Variants in NFATC1 observed in about 807,000 individuals in gnomAD.
NFATC1 encodes nuclear factor of activated T cells 1, also known as nuclear factor of activated T-cells, cytoplasmic 1.
In NFATC1, 22 loss-of-function variants were observed where a neutral mutation model predicts 76.0. The observed-to-expected ratio is 0.29, with a 90% confidence interval of 0.21 to 0.41. The LOEUF is 0.41. NFATC1 is among the 10% of genes least tolerant of loss of function. The pLI is 1.00. For missense variants in NFATC1, 1,357 were observed against 1,337.7 expected (o/e 1.01, Z -0.23); for synonymous variants, 704 against 613.1 (o/e 1.15, Z -2.19).
rs776345067 is a variant in NFATC1 at position 79,411,381 on chromosome 18, A to G, written c.1106A>G (p.Glu369Gly). The G allele has an allele frequency of 6.3e-7, 1 of 1,583,704 alleles. No homozygotes were observed. Among genetic ancestry groups the G allele is most frequent in the Admixed American group, 1.8e-5 (1 of 56,058 alleles). Residue 369 changes from glutamate to glycine, a missense_variant, in exon 2 of 10, where the codon GAA (glutamate) becomes GGA (glycine). By Grantham distance (98) the Glu-to-Gly change is moderately conservative. Around this residue, in one of 3 missense-constraint regions of NFATC1, gnomAD observed 691 missense variants for 613.1 expected, o/e 1.13. Transcript: ENST00000427363. Reference protein sequence around the residue: ...SPPPPADFAPEDYSSFQHIRK... With the variant: ...SPPPPADFAPGDYSSFQHIRK... ...CCGCCCCCGGCCGACTTCGCGCCCG[A>G]AGACTACTCCTCTTTCCAGCACATC... is the stretch of plus-strand genomic sequence containing the variant.
chr18:79,500,471 TC>T (rs2089989018), intron 9 of NFATC1, among the ~76,000 whole-genome samples: 1 of 152,074 alleles, frequency 6.6e-6, no homozygotes, highest in Admixed American at 6.6e-5. Flanking sequence ...CTAAGCTTTT[TC>T]CTTAAAAATG....
chr18:79,522,673 A>G (rs1436827875), intron 9 of NFATC1, among the ~76,000 whole-genome samples: 1 of 152,010 alleles, frequency 6.6e-6, no homozygotes, highest in Non-Finnish European at 1.5e-5. Flanking sequence ...GGCACTGAGC[A>G]CCCTGCAGGT....
At chr18:79,449,129 C>T (rs2087349270) in intron 4 of NFATC1, 145 bp downstream of exon 4, 1 of 719,502 alleles carries the variant, frequency 1.4e-6, no homozygotes, top group Non-Finnish European at 2.3e-6. Flanking sequence ...AATAAGTAAA[C>T]TTCACTCTTG....
chr18:79,439,599 A>G (rs1289982948), intron 3 of NFATC1, among the ~76,000 whole-genome samples: 1 of 152,208 alleles, frequency 6.6e-6, no homozygotes, highest in Non-Finnish European at 1.5e-5. Flanking sequence ...CGCACAGGGA[A>G]TTTCCTAGTT....
intron 6 of NFATC1, among the ~76,000 whole-genome samples, chr18:79,452,796 C>T (rs28541305): frequency 0.027 from 4,115 of 152,266 alleles, 167 homozygotes; most frequent in African/African-American, 0.095. Flanking sequence ...GCCCAGGGTG[C>T]GCCAGGTGAG....
At chr18:79,449,723 C>T (rs1414922713) in intron 4 of NFATC1, among the ~76,000 whole-genome samples, 6 of 152,126 alleles carry the variant, frequency 3.9e-5, no homozygotes, top group African/African-American at 1.2e-4. Context: ...GCTGGGAGCC[C>T]GTGTGATGGG....
At chr18:79,515,694 G>A (rs1452343318) in intron 9 of NFATC1, 1 of 152,136 alleles carries the variant, frequency 6.6e-6, no homozygotes, top group Non-Finnish European at 1.5e-5. Context: ...ACAGGCAGAG[G>A]AAGAATCGTG....
intron 7 of NFATC1, among the ~76,000 whole-genome samples, chr18:79,461,801 G>A (rs917657201): frequency 1.3e-5 from 2 of 152,174 alleles, no homozygotes; most frequent in East Asian, 1.9e-4. Flanking sequence ...GCCCAGACCC[G>A]CTCACAGCAC....
chr18:79,487,397 G>A lies in NFATC1; in HGVS notation c.2782+460G>A, dbSNP rs201175010. ...GCCGAGGTGACGAGCACGTTACCCCGTGCGGCTCTGTAAACACATCTAAAT... is the reference window on the plus strand; with the variant it reads ...GCCGAGGTGACGAGCACGTTACCCCATGCGGCTCTGTAAACACATCTAAAT... On this transcript the variant is annotated intron_variant, in intron 9 of 9. Coordinates refer to ENST00000427363, the MANE Select transcript of NFATC1 (RefSeq NM_001278669.2). Among the ~76,000 whole-genome samples the A allele has an allele frequency of 5.9e-5, 9 of 152,320 alleles. No homozygotes were observed. The East Asian group carries it at 1.4e-3, about 23-fold the overall frequency.
chr18:79,519,346 T>C (rs940755740), intron 9 of NFATC1, among the ~76,000 whole-genome samples: 2 of 152,206 alleles, frequency 1.3e-5, no homozygotes, highest in African/African-American at 4.8e-5. Context: ...TTTATTTTTT[T>C]TCCTGAGACA....
chr18:79,516,518 G>A (rs980944755), intron 9 of NFATC1, among the ~76,000 whole-genome samples: 3 of 152,174 alleles, frequency 2.0e-5, no homozygotes, highest in African/African-American at 7.2e-5. Context: ...TGGCAGAACC[G>A]CCCTTGTTCT....
intron 7 of NFATC1, 61 bp downstream of exon 7, chr18:79,461,427 C>G: frequency 6.3e-7 from 1 of 1,583,960 alleles, no homozygotes; most frequent in Non-Finnish European, 8.7e-7. Flanking sequence ...AGGCTGGGGT[C>G]TGCTGGAGCC....
chr18:79,442,639 T>G (rs2087026974), intron 3 of NFATC1, among the ~76,000 whole-genome samples: 1 of 152,174 alleles, frequency 6.6e-6, no homozygotes, highest in Non-Finnish European at 1.5e-5. Flanking sequence ...AGACGTGCGG[T>G]GGCGGCGGCG....
At chr18:79,500,216 A>C (rs987138069) in intron 9 of NFATC1, among the ~76,000 whole-genome samples, 6 of 152,196 alleles carry the variant, frequency 3.9e-5, no homozygotes, top group African/African-American at 1.4e-4. Flanking sequence ...TCTGATTGCA[A>C]TGGATATCAA....
At chr18:79,479,427 T>C (rs114435637) in intron 8 of NFATC1, among the ~76,000 whole-genome samples, 204 of 152,310 alleles carry the variant, frequency 1.3e-3, no homozygotes, top group African/African-American at 4.6e-3. Flanking sequence ...TCACTCACTT[T>C]CTCACTGATA....
intron 9 of NFATC1, 80 bp downstream of exon 9, chr18:79,487,017 C>A: frequency 6.9e-7 from 1 of 1,443,184 alleles, no homozygotes; most frequent in Non-Finnish European, 9.3e-7. Context: ...GTGCGTGCTG[C>A]GTGTGTGGCA....
chr18:79,453,664 A>T (rs1416470597), intron 6 of NFATC1, among the ~76,000 whole-genome samples: 1 of 152,250 alleles, frequency 6.6e-6, no homozygotes, highest in Non-Finnish European at 1.5e-5. Context: ...ACCCTCTGCC[A>T]GCACCAGCCG....
chr18:79,472,223 G>A (rs2088816589), intron 8 of NFATC1, among the ~76,000 whole-genome samples: 1 of 152,142 alleles, frequency 6.6e-6, no homozygotes. Flanking sequence ...CGACAGCTGG[G>A]GGCTTTCTCT....
rs1291945932 is a variant in NFATC1, at chr18:79,516,576, TTTAGG to T, written c.2783-10951_2783-10947del. The stretch of plus-strand genomic sequence containing the variant: ...CCGGGCGCCCAGCAGTGTCGGACAG[TTTAGG>T]GTGGACCGAGGAGGCCGTGGTGGAG... On this transcript the variant is annotated intron_variant, in intron 9 of 9. Coordinates refer to ENST00000427363, the MANE Select transcript of NFATC1 (RefSeq NM_001278669.2). Among the ~76,000 whole-genome samples the T allele has an allele frequency of 5.3e-5, 8 of 152,232 alleles. No individual in the cohort carries two copies. The East Asian group carries it at 1.3e-3, about 26-fold the overall frequency.
Sources: gnomAD v4.1 joint callset for allele counts (sites outside exome capture counted in the v4.1 genomes callset) on GRCh38, gnomAD v4.1.1 for gene constraint, gnomAD v4.1.1 regional missense constraint, MANE v1.5 for transcripts, NCBI Gene and HGNC (gene_info 2026-07-23, HGNC 2026-07-21) for gene names.